Variants in MAPKAPK2 observed in about 807,000 individuals in gnomAD.
MAPKAPK2 encodes MAPK activated protein kinase 2.
In MAPKAPK2, 9 loss-of-function variants were observed where a neutral mutation model predicts 48.8. The ratio of observed to expected loss-of-function variants is 0.18; its 90% CI spans 0.11 to 0.32. MAPKAPK2 has a LOEUF of 0.32. MAPKAPK2 is among the 10% of genes least tolerant of loss of function. The pLI, the probability that MAPKAPK2 is intolerant of heterozygous loss-of-function variation, is 1.00. For synonymous variants in MAPKAPK2, 202 were observed against 190.6 expected, an observed-to-expected ratio of 1.06 and a Z score of -0.49; for missense variants, 331 against 498.3, an observed-to-expected ratio of 0.66 and a Z score of 3.20.
intron 1 of MAPKAPK2, among the ~76,000 whole-genome samples, chr1:206,727,606 T>C (rs1673741975): frequency 6.6e-6 from 1 of 152,060 alleles, no homozygotes; most frequent in Non-Finnish European, 1.5e-5. Context: ...GTGCTCCCTT[T>C]AAGAAGCCTC....
rs1553427277 is a variant in MAPKAPK2 at position 206,697,839 on chromosome 1, A to G, written c.279+12331A>G. ...TACACAAGAAAGAGAACCTGACACT[A>G]GACTGGAATCTGGGAGACCTGGCTA... On this transcript the variant is annotated intron_variant, in intron 1 of 9. Transcript: ENST00000367103. Among the ~76,000 whole-genome samples, 3 of 152,260 alleles carry G rather than the reference A, an allele frequency of 2.0e-5. No homozygotes were observed. In the East Asian group the frequency reaches 5.8e-4, roughly 29 times the overall value.
chr1:206,697,366 T>C (rs1553427226), intron 1 of MAPKAPK2, among the ~76,000 whole-genome samples: 2 of 152,220 alleles, frequency 1.3e-5, no homozygotes. Flanking sequence ...AAGGAGTATC[T>C]GAGACTGGGT....
chr1:206,728,771 G>T lies in MAPKAPK2; in HGVS notation c.341G>T (p.Cys114Phe). The change falls in exon 2 of 10, where the codon TGC (cysteine) becomes TTC (phenylalanine). Residue 114 changes from cysteine to phenylalanine, a missense_variant. By Grantham distance (205) the Cys-to-Phe change is radical. Transcript: ENST00000367103. ...GAGCTGCACTGGCGGGCCTCCCAGTGCCCGCACATCGTACGGATCGTGGAT... is the reference window on the plus strand; with the variant it reads ...GAGCTGCACTGGCGGGCCTCCCAGTTCCCGCACATCGTACGGATCGTGGAT... Reference protein sequence around the residue: ...EVELHWRASQCPHIVRIVDVY... With the variant: ...EVELHWRASQFPHIVRIVDVY... The T allele has an allele frequency of 6.2e-7, 1 of 1,614,038 alleles. No homozygotes were observed. The highest frequency in any genetic ancestry group is 8.5e-7 in the Non-Finnish European group (1 of 1,180,012).
chr1:206,699,976 T>C (rs147353409), intron 1 of MAPKAPK2, among the ~76,000 whole-genome samples: 1 of 147,378 alleles, frequency 6.8e-6, no homozygotes, highest in Non-Finnish European at 1.5e-5. Flanking sequence ...CTCTCTCTTC[T>C]TTTTTTCTCT....
At chr1:206,730,802 T>C in intron 6 of MAPKAPK2, 39 bp downstream of exon 6, 1 of 1,584,716 alleles carries the variant, frequency 6.3e-7, no homozygotes, top group Non-Finnish European at 8.7e-7. Context: ...GGGCAGGGAG[T>C]CAGGGCGGCC....
At chr1:206,685,560 C>T (rs1218855557) in intron 1 of MAPKAPK2, 52 bp downstream of exon 1, 11 of 1,380,214 alleles carry the variant, frequency 8.0e-6, no homozygotes, top group Non-Finnish European at 1.0e-5. Flanking sequence ...GGCCCTGGAG[C>T]TCCACGGCGT....
In MAPKAPK2 at chr1:206,731,281, A is replaced by T. The variant is rs782649327; in HGVS notation, c.892+19A>T. Reference sequence around the variant, plus strand: ...GAGGAAGGTAAGAACCCAGGCTTTCAGGACAAGGGGAAGAGCCCGTGTGTG... The same window carrying T: ...GAGGAAGGTAAGAACCCAGGCTTTCTGGACAAGGGGAAGAGCCCGTGTGTG... On this transcript the variant is annotated intron_variant, in intron 7 of 9. Coordinates refer to ENST00000367103, the MANE Select transcript of MAPKAPK2 (RefSeq NM_032960.4). This position sits in a 1 kb window ranked among gnomAD's most constrained non-coding sequence, Gnocchi z 5.9. 1 of 1,613,728 alleles carries T rather than the reference A, an allele frequency of 6.2e-7. No individual in the cohort carries two copies. The highest frequency in any genetic ancestry group is 1.7e-5 in the Admixed American group (1 of 59,968).
chr1:206,729,391 T>C lies in MAPKAPK2; in HGVS notation c.485-5T>C. 1 of 1,612,332 alleles carries C rather than the reference T, an allele frequency of 6.2e-7. No individual in the cohort carries two copies. The highest frequency in any genetic ancestry group is 1.7e-5 in the Admixed American group (1 of 60,026). On this transcript the variant is annotated splice_polypyrimidine_tract_variant and splice_region_variant and intron_variant, in intron 3 of 9. Coordinates refer to ENST00000367103, the MANE Select transcript of MAPKAPK2 (RefSeq NM_032960.4). ...TTCCCACTCACTCTTCCCTCCCCTC[T>C]ACAGAAGCATCCGAAATCATGAAGA...
chr1:206,706,396 C>T (rs546661649), intron 1 of MAPKAPK2, among the ~76,000 whole-genome samples: 1 of 152,200 alleles, frequency 6.6e-6, no homozygotes, highest in Admixed American at 6.5e-5. Flanking sequence ...TGCTGCTCTG[C>T]AGTTATCCCG....
At chr1:206,693,183 T>C (rs541691051) in intron 1 of MAPKAPK2, among the ~76,000 whole-genome samples, 2 of 152,272 alleles carry the variant, frequency 1.3e-5, no homozygotes, top group East Asian at 3.9e-4. Flanking sequence ...CTTAGCAGCC[T>C]GGCCTCCTGC....
intron 1 of MAPKAPK2, among the ~76,000 whole-genome samples, chr1:206,718,444 A>G (rs897397144): frequency 4.0e-5 from 6 of 151,078 alleles, no homozygotes; most frequent in African/African-American, 1.2e-4. Context: ...AGGCAGGAGA[A>G]TGACGTGAAC....
chr1:206,709,229 C>G (rs578122355), intron 1 of MAPKAPK2, among the ~76,000 whole-genome samples: 1 of 152,332 alleles, frequency 6.6e-6, no homozygotes, highest in African/African-American at 2.4e-5. Context: ...TCCAGTCCCT[C>G]AGTTGCTCCT....
At chr1:206,725,955 G>T (rs1199110857) in intron 1 of MAPKAPK2, among the ~76,000 whole-genome samples, 2 of 152,188 alleles carry the variant, frequency 1.3e-5, no homozygotes, top group African/African-American at 4.8e-5. Context: ...TTGACATTCA[G>T]TGCAATGCAT....
At chr1:206,691,504 T>TATATATATATATATATATACAC (rs1424297313) in intron 1 of MAPKAPK2, among the ~76,000 whole-genome samples, 58 of 112,148 alleles carry the variant, frequency 5.2e-4, no homozygotes, top group African/African-American at 7.0e-4. Flanking sequence ...TATATATATA[T>TATATATATATATATATATACAC]ACACACATAC....
chr1:206,717,744 G>A (rs1673379408), intron 1 of MAPKAPK2, among the ~76,000 whole-genome samples: 1 of 152,188 alleles, frequency 6.6e-6, no homozygotes, highest in African/African-American at 2.4e-5. Flanking sequence ...TCTCAGGCCA[G>A]GGGTTCAAAT....
intron 1 of MAPKAPK2, among the ~76,000 whole-genome samples, chr1:206,687,115 T>A (rs961228942): frequency 1.8e-4 from 27 of 152,182 alleles, no homozygotes; most frequent in Non-Finnish European, 1.3e-4. Context: ...GTGTTTGCTG[T>A]CCCCTCTGAG....
rs1353118589 is a variant in MAPKAPK2 at position 206,704,423 on chromosome 1, C to T, written c.279+18915C>T. On this transcript the variant is annotated intron_variant, in intron 1 of 9. Transcript: ENST00000367103. This position sits in a 1 kb window ranked among gnomAD's most constrained non-coding sequence, Gnocchi z 4.3. ...GTGGTGGTGGCTCAGCTCACCCAGA[C>T]CATGTGTGATGGTTATGGTGGTGAC... 1.3e-5 allele frequency among the ~76,000 whole-genome samples: 2 copies of T among 152,158 alleles called. No homozygotes were observed. The highest frequency in any genetic ancestry group is 4.8e-5 in the African/African-American group (2 of 41,434).
chr1:206,698,983 G>A (rs1672712205), intron 1 of MAPKAPK2, among the ~76,000 whole-genome samples: 1 of 152,072 alleles, frequency 6.6e-6, no homozygotes, highest in African/African-American at 2.4e-5. Flanking sequence ...ATTATAATTG[G>A]GTACTTAGAT....
intron 1 of MAPKAPK2, among the ~76,000 whole-genome samples, chr1:206,716,803 C>G (rs1316095081): frequency 6.6e-6 from 1 of 151,938 alleles, no homozygotes; most frequent in African/African-American, 2.4e-5. Flanking sequence ...AAAGTAGATA[C>G]TAGATACCTA....
Sources: allele counts gnomAD v4.1 joint callset (sites outside exome capture counted in the v4.1 genomes callset), GRCh38; gene constraint gnomAD v4.1.1; non-coding constraint Gnocchi (gnomAD v3.1); transcripts MANE v1.5; gene names NCBI Gene and HGNC (gene_info 2026-07-23, HGNC 2026-07-21).